The following FUT9 variants were observed in gnomAD, a reference collection of about 807,000 sequenced individuals.
The protein encoded by FUT9 is 4-galactosyl-N-acetylglucosaminide 3-alpha-L-fucosyltransferase 9.
Under a neutral mutation model 29.7 loss-of-function variants are expected in FUT9, and 15 were observed. The ratio of observed to expected loss-of-function variants is 0.51; its 90% CI spans 0.34 to 0.78. The LOEUF is 0.78. Ranked by LOEUF, FUT9 falls within the 30% of genes least tolerant of loss-of-function variation. The pLI is 0.01. For missense variants in FUT9, 319 were observed against 425.4 expected, an observed-to-expected ratio of 0.75 and a Z score of 2.20; for synonymous variants, 169 against 153.7, an observed-to-expected ratio of 1.10 and a Z score of -0.74.
chr6:96,049,208 CT>C (rs955729048), intron 1 of FUT9, among the ~76,000 whole-genome samples: 3 of 152,156 alleles, frequency 2.0e-5, no homozygotes, highest in Non-Finnish European at 4.4e-5. Context: ...CAAATCATCT[CT>C]TCCTTCCAAG....
chr6:96,076,400 T>C (rs937734354), intron 1 of FUT9, among the ~76,000 whole-genome samples: 5 of 152,348 alleles, frequency 3.3e-5, no homozygotes, highest in African/African-American at 9.6e-5. Context: ...ATTGAATTAA[T>C]TTATATTGCT....
chr6:96,167,535 CTG>C (rs1773036055), intron 2 of FUT9, among the ~76,000 whole-genome samples: 2 of 152,216 alleles, frequency 1.3e-5, no homozygotes, highest in Admixed American at 6.5e-5. Flanking sequence ...GAAGCACTTA[CTG>C]TGTGCCAGAA....
chr6:96,119,468 C>A (rs1308247357), intron 2 of FUT9, among the ~76,000 whole-genome samples: 2 of 152,276 alleles, frequency 1.3e-5, no homozygotes, highest in African/African-American at 4.8e-5. Flanking sequence ...CCTAACATCA[C>A]ATTTCTCAGA....
intron 1 of FUT9, among the ~76,000 whole-genome samples, chr6:96,086,293 C>T (rs1771315515): frequency 6.6e-6 from 1 of 152,152 alleles, no homozygotes; most frequent in Non-Finnish European, 1.5e-5. Context: ...CACATATTTG[C>T]TAGCTATGCA....
chr6:96,108,045 C>A (rs1181507501), intron 1 of FUT9, among the ~76,000 whole-genome samples: 1 of 149,168 alleles, frequency 6.7e-6, no homozygotes, highest in Non-Finnish European at 1.5e-5. Flanking sequence ...ACCTTTAAAT[C>A]ATCTAGCTCA....
chr6:96,088,894 C>T lies in FUT9; in HGVS notation c.-97-25145C>T, dbSNP rs532272167. On this transcript the variant is annotated intron_variant, in intron 1 of 2. Coordinates refer to ENST00000302103, the MANE Select transcript of FUT9 (RefSeq NM_006581.4). Reference sequence around the variant, plus strand: ...GGATCCTGGTTATTTTTGTGTATCTCTAAAATTTTTTAGCTTTGTTATTGG... The same window carrying T: ...GGATCCTGGTTATTTTTGTGTATCTTTAAAATTTTTTAGCTTTGTTATTGG... 1.7e-4 allele frequency among the ~76,000 whole-genome samples: 22 copies of T among 132,558 alleles called. 2 individuals carry two copies. In the South Asian group the frequency reaches 5.9e-3, roughly 35 times the overall value. 87.0% of individuals were successfully genotyped at this position (132,558 alleles called of 152,430 possible). A position where few individuals can be genotyped will look rare whatever the true frequency, so the allele number is the denominator to read the frequency against.
intron 1 of FUT9, among the ~76,000 whole-genome samples, chr6:96,083,103 T>C (rs930554190): frequency 2.6e-5 from 4 of 152,142 alleles, no homozygotes; most frequent in African/African-American, 7.2e-5. Context: ...CCTTATTCTT[T>C]GATGTGTTTG....
chr6:96,029,482 C>G (rs546017938), intron 1 of FUT9, among the ~76,000 whole-genome samples: 29 of 151,610 alleles, frequency 1.9e-4, no homozygotes, highest in African/African-American at 6.5e-4. Context: ...ATCCTAAGCA[C>G]AAGGCTAGAG....
At chr6:96,035,753 TATA>T (rs1479606950) in intron 1 of FUT9, among the ~76,000 whole-genome samples, 15 of 132,602 alleles carry the variant, frequency 1.1e-4, no homozygotes, top group African/African-American at 2.5e-4. Context: ...ACTAATATAA[TATA>T]ATATTATAAT....
intron 2 of FUT9, among the ~76,000 whole-genome samples, chr6:96,125,930 A>G (rs1473958833): frequency 6.6e-6 from 1 of 152,206 alleles, no homozygotes; most frequent in Non-Finnish European, 1.5e-5. Context: ...GTTCTCCACC[A>G]AGTGCTCTAG....
chr6:96,081,117 G>A (rs981535430), intron 1 of FUT9, among the ~76,000 whole-genome samples: 1 of 151,592 alleles, frequency 6.6e-6, no homozygotes, highest in Non-Finnish European at 1.5e-5. Flanking sequence ...TATAATATCT[G>A]TAAAATATTT....
At chr6:96,069,634 ATT>A (rs1562115259) in intron 1 of FUT9, among the ~76,000 whole-genome samples, 1 of 32,920 alleles carries the variant, frequency 3.0e-5, no homozygotes, top group African/African-American at 9.4e-5. Context: ...TTTATTTTTT[ATT>A]TTATTTTTTT....
At chr6:96,052,139 T>C (rs1770681863) in intron 1 of FUT9, among the ~76,000 whole-genome samples, 1 of 152,106 alleles carries the variant, frequency 6.6e-6, no homozygotes, top group African/African-American at 2.4e-5. Context: ...GGAGAAGTGC[T>C]GAGCAAAAGG....
intron 2 of FUT9, among the ~76,000 whole-genome samples, chr6:96,177,009 T>C (rs1773216533): frequency 6.6e-6 from 1 of 152,166 alleles, no homozygotes; most frequent in Non-Finnish European, 1.5e-5. Context: ...TTTGGAGAAC[T>C]GTCTCAAGAT....
In FUT9 at chr6:96,046,936, C is replaced by A. The variant is rs1195578471; in HGVS notation, c.-98+30724C>A. 2.0e-5 allele frequency among the ~76,000 whole-genome samples: 3 copies of A among 152,064 alleles called. No homozygotes were observed. The East Asian group carries it at 5.8e-4, about 29-fold the overall frequency. ...CATGTATTTTGAGTTTAGTGGCAAC[C>A]AAAAGAACATCTCCTTAATAATGCA... On this transcript the variant is annotated intron_variant, in intron 1 of 2. Transcript: ENST00000302103.
At chr6:96,164,792 T>C (rs1321061097) in intron 2 of FUT9, among the ~76,000 whole-genome samples, 1 of 152,160 alleles carries the variant, frequency 6.6e-6, no homozygotes, top group African/African-American at 2.4e-5. Flanking sequence ...ATTCAGTTGG[T>C]TGGGGAGGCT....
intron 2 of FUT9, among the ~76,000 whole-genome samples, chr6:96,194,583 A>C (rs1284440800): frequency 1.3e-5 from 2 of 152,158 alleles, no homozygotes; most frequent in Non-Finnish European, 2.9e-5. Flanking sequence ...GATATGAAGG[A>C]AAAGACGATG....
chr6:96,196,687 G>A lies in FUT9; in HGVS notation c.-8-6461G>A, dbSNP rs1158387576. On this transcript the variant is annotated intron_variant, in intron 2 of 2. Transcript: ENST00000302103. The stretch of plus-strand genomic sequence containing the variant: ...ACATCACACCACTGCACTCCGGCCT[G>A]GTGACAGAGTGAGACTCCATCTCAA... 2.0e-5 allele frequency among the ~76,000 whole-genome samples: 3 copies of A among 151,956 alleles called. No individual in the cohort carries two copies. The East Asian group carries it at 5.8e-4, about 29-fold the overall frequency.
intron 2 of FUT9, among the ~76,000 whole-genome samples, chr6:96,138,447 T>C (rs1432869861): frequency 6.6e-6 from 1 of 151,654 alleles, no homozygotes; most frequent in Non-Finnish European, 1.5e-5. Flanking sequence ...AGGAATATTC[T>C]TGAATAAAAG....
Sources: gnomAD v4.1 joint callset for allele counts (sites outside exome capture counted in the v4.1 genomes callset) on GRCh38, gnomAD v4.1.1 for gene constraint, MANE v1.5 for transcripts, NCBI Gene and HGNC (gene_info 2026-07-23, HGNC 2026-07-21) for gene names.